PLCH2: variants seen among roughly 807,000 people sequenced by gnomAD.
PLCH2 encodes the protein phospholipase C eta 2.
PLCH2 carries 98 observed loss-of-function variants against 134.7 expected under a neutral mutation model. The ratio of observed to expected loss-of-function variants is 0.73; its 90% CI spans 0.62 to 0.86. The LOEUF is 0.86. Ranked by LOEUF, PLCH2 falls within the 40% of genes least tolerant of loss-of-function variation. PLCH2 has a pLI of 0.00. For synonymous variants in PLCH2, 974 were observed against 827.5 expected, an observed-to-expected ratio of 1.18 and a Z score of -3.04; for missense variants, 1,994 against 1,986.6, an observed-to-expected ratio of 1.00 and a Z score of -0.07.
chr1:2,416,033 A>C, the PLCH2 span, among the ~76,000 whole-genome samples: 1 of 152,128 alleles, frequency 6.6e-6, no homozygotes, highest in East Asian at 1.9e-4. Flanking sequence ...CCATCCCCCC[A>C]CCAACACCCA....
At chr1:2,473,342 G>A (rs1641433897), upstream of PLCH2, among the ~76,000 whole-genome samples, 1 of 152,162 alleles carries the variant, frequency 6.6e-6, no homozygotes, top group East Asian at 1.9e-4. Flanking sequence ...CGGGGGCTGA[G>A]CCCAGGGGAT....
intron 2 of PLCH2, among the ~76,000 whole-genome samples, chr1:2,459,103 C>T: frequency 6.6e-6 from 1 of 152,290 alleles, no homozygotes; most frequent in East Asian, 1.9e-4. Context: ...AGGTGGGGCT[C>T]AGGAGGCGGC....
chr1:2,495,499 C>CA lies in PLCH2; in HGVS notation c.1766dup (p.Leu590AlafsTer12). ...TGCCCCCCGCACAGAAGAAGGGCAG[C>CA]AAGCTGAAGAAGGCGGCCAGCGTGG... On this transcript the variant is annotated frameshift_variant, in exon 13 of 22. Coordinates refer to ENST00000378486, the MANE Select transcript of PLCH2 (RefSeq NM_014638.4). LOFTEE classifies it high-confidence loss of function. The CA allele has an allele frequency of 6.4e-7, 1 of 1,551,718 alleles. No individual in the cohort carries two copies. Among genetic ancestry groups the CA allele is most frequent in the Non-Finnish European group, 8.7e-7 (1 of 1,147,060 alleles).
At chr1:2,499,335 C>CT in intron 19 of PLCH2, 105 bp downstream of exon 19, 1 of 1,333,318 alleles carries the variant, frequency 7.5e-7, no homozygotes, top group East Asian at 2.5e-5. Context: ...GGGCCTGCAC[C>CT]TGGCACCAAA....
the PLCH2 span, among the ~76,000 whole-genome samples, chr1:2,420,012 C>G: frequency 9.9e-5 from 15 of 151,686 alleles, no homozygotes; most frequent in African/African-American, 3.6e-4. Context: ...CCACTACCCC[C>G]TCCTGTGCTG....
chr1:2,425,126 G>A (rs576414452), upstream of PLCH2, among the ~76,000 whole-genome samples: 404 of 142,256 alleles, frequency 2.8e-3, no homozygotes, highest in Non-Finnish European at 5.1e-3. Flanking sequence ...TCGCGCCACC[G>A]CACTCCAGCC....
chr1:2,421,645 TA>T (rs1469204194), upstream of PLCH2, among the ~76,000 whole-genome samples: 2 of 151,966 alleles, frequency 1.3e-5, no homozygotes, highest in African/African-American at 2.4e-5. Flanking sequence ...ACCACCTTCA[TA>T]AAAAAATATG....
chr1:2,497,933 T>G lies in PLCH2; in HGVS notation c.2224+324T>G, dbSNP rs1388558118. On this transcript the variant is annotated intron_variant, in intron 16 of 21. Coordinates refer to ENST00000378486, the MANE Select transcript of PLCH2 (RefSeq NM_014638.4). ...TGCCAGCGACCCAGCCCCCTGTGCC[T>G]GGCCCCTCTGTGGGTCTCAGGACCT... The G allele has an allele frequency of 1.2e-5, 4 of 331,962 alleles. No individual in the cohort carries two copies. The Admixed American group carries it at 1.3e-4, about 11-fold the overall frequency. 20.6% of individuals were successfully genotyped at this position (331,962 alleles called of 1,614,324 possible). A position where few individuals can be genotyped will look rare whatever the true frequency, so the allele number is the denominator to read the frequency against.
At chr1:2,421,875 G>C (rs1385389474), upstream of PLCH2, among the ~76,000 whole-genome samples, 1 of 152,180 alleles carries the variant, frequency 6.6e-6, no homozygotes, top group Non-Finnish European at 1.5e-5. Flanking sequence ...ACAGGAGGCT[G>C]AGGCGGGAGA....
the PLCH2 span, among the ~76,000 whole-genome samples, chr1:2,416,648 C>T: frequency 1.3e-5 from 2 of 152,134 alleles, no homozygotes; most frequent in Non-Finnish European, 2.9e-5. Context: ...ATGGGGAGGG[C>T]GGGGCCCGGC....
In PLCH2 at chr1:2,505,471, A is replaced by AAT. The variant is rs1438440756; in HGVS notation, c.*261_*262dup. On this transcript the variant is annotated 3_prime_UTR_variant, in exon 22 of 22. Transcript: ENST00000378486. ...GCGTTTTAGGATCTGTACATAGAGA[A>AAT]ATATTTAAATTTTTAGAAGCAAAAC... is the stretch of plus-strand genomic sequence containing the variant. 1.7e-5 allele frequency: 9 copies of AAT among 518,488 alleles called. No homozygotes were observed. Among genetic ancestry groups the AAT allele is most frequent in the Non-Finnish European group, 2.7e-5 (8 of 296,764 alleles). 32.1% of individuals were successfully genotyped at this position (518,488 alleles called of 1,614,324 possible).
chr1:2,502,720 G>T (rs1021866460), intron 21 of PLCH2: 3 of 714,682 alleles, frequency 4.2e-6, no homozygotes, highest in Non-Finnish European at 7.8e-6. Context: ...GGGCCTGGAG[G>T]CAGGGTCCAG....
chr1:2,473,997 G>C, upstream of PLCH2, among the ~76,000 whole-genome samples: 1 of 152,254 alleles, frequency 6.6e-6, no homozygotes, highest in Non-Finnish European at 1.5e-5. Context: ...TGAGGGCTGG[G>C]CCCCTGTGTG....
chr1:2,435,262 G>A lies in PLCH2; in HGVS notation c.115+4633G>A, dbSNP rs367835188. On this transcript the variant is annotated intron_variant, in intron 2 of 3. Coordinates refer to the PLCH2 transcript ENST00000609981. ...GCGGACAGTGAGCAGGCCAGAGGCC[G>A]GGCAGGGGCTGTGGGGGGTGGGGCC... 1.7e-3 allele frequency among the ~76,000 whole-genome samples: 259 copies of A among 152,340 alleles called. 5 individuals are homozygous for A. In the South Asian group the frequency reaches 0.039, roughly 23 times the overall value.
Position 2,505,011 on chromosome 1 carries a change from C to G in PLCH2, c.4049C>G (p.Ala1350Gly). Residue 1350 changes from alanine to glycine, a missense_variant, in exon 22 of 22, where the codon GCC becomes GGC. This residue lies in a region of PLCH2 where 900 missense variants were observed against 752.3 expected (regional missense o/e 1.20). Transcript: ENST00000378486. The stretch of plus-strand genomic sequence containing the variant: ...AGCCACAGCCGCGTGCGTGCCATTG[C>G]CAGCCGGGCCCGCCAGGCCCAGGAG... ...SRSHSRVRAI[A>G]SRARQAQERQ... 6.5e-7 allele frequency: 1 copy of G among 1,542,884 alleles called. No homozygotes were observed. Among genetic ancestry groups the G allele is most frequent in the Non-Finnish European group, 8.7e-7 (1 of 1,150,456 alleles).
the PLCH2 span, among the ~76,000 whole-genome samples, chr1:2,420,547 C>T: frequency 3.3e-5 from 5 of 152,156 alleles, no homozygotes; most frequent in Admixed American, 3.3e-4. Flanking sequence ...CAGGAAGGGC[C>T]TCAAGTCCGC....
At position 2,504,991 on chromosome 1, in the gene PLCH2, C is replaced by T. The variant is rs1453997823; in HGVS notation, c.4029C>T (p.His1343=). 6.5e-7 allele frequency: 1 copy of T among 1,547,234 alleles called. No homozygotes were observed. Among genetic ancestry groups the T allele is most frequent in the Non-Finnish European group, 8.7e-7 (1 of 1,151,054 alleles). The change falls in exon 22 of 22, where the codon CAC becomes CAT. Residue 1343 remains histidine (H), a synonymous_variant. Coordinates refer to ENST00000378486, the MANE Select transcript of PLCH2 (RefSeq NM_014638.4). The stretch of plus-strand genomic sequence containing the variant: ...TGCGGCGCTCCTCCTCCCGCAGCCA[C>T]AGCCGCGTGCGTGCCATTGCCAGCC... ...GFVRRSSSRS[H]SRVRAIASRA...
intron 2 of PLCH2, among the ~76,000 whole-genome samples, chr1:2,459,529 C>T (rs111877850): frequency 8.1e-5 from 11 of 135,628 alleles, no homozygotes; most frequent in Non-Finnish European, 8.0e-5. Context: ...TCCTGGTGGT[C>T]CTCCTTCCTG....
chr1:2,502,010 C>A (rs905427449), intron 20 of PLCH2, 102 bp from the exon 21 acceptor site: 13 of 1,093,968 alleles, frequency 1.2e-5, no homozygotes, highest in Non-Finnish European at 1.6e-5. Context: ...CCGAGACACG[C>A]ATGGCACGTC....
Sources: gnomAD v4.1 joint callset for allele counts (sites outside exome capture counted in the v4.1 genomes callset) on GRCh38, gnomAD v4.1.1 for gene constraint, gnomAD v4.1.1 regional missense constraint, MANE v1.5 for transcripts, NCBI Gene and HGNC (gene_info 2026-07-23, HGNC 2026-07-21) for gene names.